DISC1: variants seen among roughly 807,000 people sequenced by gnomAD.
DISC1 encodes DISC1 scaffold protein, also known as disrupted in schizophrenia 1 protein.
Under a neutral mutation model 84.5 loss-of-function variants are expected in DISC1, and 57 were observed. The ratio of observed to expected loss-of-function variants is 0.67; its 90% CI spans 0.55 to 0.84. The LOEUF is 0.84. DISC1 is among the 40% of genes least tolerant of loss of function. The pLI, the probability that DISC1 is intolerant of heterozygous loss-of-function variation, is 0.00. For synonymous variants in DISC1, 411 were observed against 415.2 expected, an observed-to-expected ratio of 0.99 and a Z score of 0.12; for missense variants, 1,000 against 1,057.8, an observed-to-expected ratio of 0.95 and a Z score of 0.76.
intron 4 of DISC1, among the ~76,000 whole-genome samples, chr1:231,765,691 C>T (rs554649805): frequency 1.3e-5 from 2 of 152,278 alleles, no homozygotes; most frequent in South Asian, 4.1e-4. Context: ...CCTTTAAAGA[C>T]AGCTCACCAA....
rs56141308 is a variant in DISC1, at chr1:231,895,134, T to G, written c.1982-63694T>G. ...TTCTGCCTTCCTTTAGAACTGAGTA[T>G]TTTTTAGTATTCTATTTTATCTCTT... On this transcript the variant is annotated intron_variant, in intron 9 of 12. Coordinates refer to ENST00000439617, the MANE Select transcript of DISC1 (RefSeq NM_018662.3). Among the ~76,000 whole-genome samples the G allele has an allele frequency of 3.9e-3, 596 of 151,806 alleles. 3 individuals are homozygous for G. Among genetic ancestry groups the G allele is most frequent in the African/African-American group, 0.013 (554 of 41,478 alleles).
intron 9 of DISC1, among the ~76,000 whole-genome samples, chr1:231,843,716 T>C (rs2083246939): frequency 2.0e-5 from 3 of 152,114 alleles, no homozygotes; most frequent in Admixed American, 1.3e-4. Flanking sequence ...GAAGCTTAGC[T>C]TTCTGGCCTG....
At position 232,024,045 on chromosome 1, in the gene DISC1, GTA is replaced by G. The variant is rs1669210880; in HGVS notation, c.2308-2384_2308-2383del. On this transcript the variant is annotated intron_variant, in intron 11 of 12. Transcript: ENST00000439617. ...TATATATATACACACACATATATAT[GTA>G]TATATGTGTATGTGTGTATATATAT... Among the ~76,000 whole-genome samples, 3 of 135,002 alleles carry G rather than the reference GTA, an allele frequency of 2.2e-5. No individual in the cohort carries two copies. In the South Asian group the frequency reaches 7.6e-4, roughly 34 times the overall value. 88.6% of individuals were successfully genotyped at this position (135,002 alleles called of 152,430 possible). A position where few individuals can be genotyped will look rare whatever the true frequency, so the allele number is the denominator to read the frequency against.
intron 3 of DISC1, chr1:231,724,071 C>A: frequency 1.0e-6 from 1 of 964,702 alleles, no homozygotes; most frequent in Non-Finnish European, 1.2e-6. Flanking sequence ...GGTCTTCATC[C>A]TTTAAATGGA....
intron 3 of DISC1, among the ~76,000 whole-genome samples, chr1:231,707,952 G>A (rs2067295107): frequency 6.6e-6 from 1 of 152,188 alleles, no homozygotes; most frequent in Admixed American, 6.5e-5. Flanking sequence ...ACCAAATGTG[G>A]GGAAAGGATT....
At chr1:231,837,744 T>C (rs2125847544) in intron 9 of DISC1, among the ~76,000 whole-genome samples, 1 of 152,340 alleles carries the variant, frequency 6.6e-6, no homozygotes, top group East Asian at 1.9e-4. Context: ...AATGTTTTCT[T>C]ATGGAACTTG....
chr1:231,855,154 G>A (rs769586023), intron 9 of DISC1: 8 of 1,006,572 alleles, frequency 7.9e-6, no homozygotes, highest in South Asian at 4.0e-5. Context: ...TTGATGCAGC[G>A]TCCTTTGTGA....
chr1:231,706,408 G>C (rs375408615), intron 3 of DISC1, among the ~76,000 whole-genome samples: 2 of 152,164 alleles, frequency 1.3e-5, no homozygotes, highest in African/African-American at 4.8e-5. Flanking sequence ...TGTGGTTACT[G>C]TTCTAGTTGT....
chr1:231,766,977 A>G lies in DISC1; in HGVS notation c.1269-163A>G, dbSNP rs543370996. Among the ~76,000 whole-genome samples the G allele has an allele frequency of 2.6e-5, 4 of 152,366 alleles. No homozygotes were observed. The South Asian group carries it at 6.2e-4, about 24-fold the overall frequency. ...AATCACAAGAGATTGTAATTCAGGT[A>G]GAAACTTACATTAAGGAGCTCATCC... On this transcript the variant is annotated intron_variant, in intron 4 of 12. Coordinates refer to ENST00000439617, the MANE Select transcript of DISC1 (RefSeq NM_018662.3).
intron 10 of DISC1, among the ~76,000 whole-genome samples, chr1:232,005,548 G>A (rs1386308013): frequency 6.6e-6 from 1 of 152,114 alleles, no homozygotes; most frequent in African/African-American, 2.4e-5. Context: ...CCTATTTTGA[G>A]TTGTAGTGTT....
chr1:231,823,656 A>T (rs2081654527), intron 9 of DISC1, among the ~76,000 whole-genome samples: 1 of 152,126 alleles, frequency 6.6e-6, no homozygotes, highest in South Asian at 2.1e-4. Context: ...ACAACTTTTT[A>T]TTTTAGGTTC....
At chr1:231,820,580 C>T (rs1476625203) in intron 9 of DISC1, among the ~76,000 whole-genome samples, 1 of 152,170 alleles carries the variant, frequency 6.6e-6, no homozygotes, top group East Asian at 1.9e-4. Flanking sequence ...ATGATCAAGC[C>T]ACCCTGCTTG....
chr1:231,810,182 C>G (rs2080159138), intron 8 of DISC1, among the ~76,000 whole-genome samples: 1 of 152,196 alleles, frequency 6.6e-6, no homozygotes, highest in African/African-American at 2.4e-5. Flanking sequence ...TGCACTGATT[C>G]AGAACAGCAG....
At chr1:231,744,189 G>A (rs1460387121) in intron 3 of DISC1, among the ~76,000 whole-genome samples, 1 of 152,154 alleles carries the variant, frequency 6.6e-6, no homozygotes. Context: ...CGTAAAAAAG[G>A]ATAATGTTTG....
chr1:231,691,440 CAGAA>C (rs2065001949), intron 1 of DISC1, among the ~76,000 whole-genome samples: 1 of 149,464 alleles, frequency 6.7e-6, no homozygotes, highest in Non-Finnish European at 1.5e-5. Context: ...AAAAAAAAAA[CAGAA>C]AGAATAAAGA....
At chr1:231,985,755 T>A (rs567563641) in intron 10 of DISC1, among the ~76,000 whole-genome samples, 1 of 152,322 alleles carries the variant, frequency 6.6e-6, no homozygotes, top group Admixed American at 6.5e-5. Context: ...TTCACAAAAA[T>A]GAGCAAGACC....
At chr1:231,857,018 G>T (rs915004971) in intron 9 of DISC1, among the ~76,000 whole-genome samples, 7 of 152,294 alleles carry the variant, frequency 4.6e-5, no homozygotes, top group Admixed American at 3.3e-4. Flanking sequence ...TTACATGAGG[G>T]TTTAAGGAAT....
chr1:231,816,126 G>A (rs934070180), intron 8 of DISC1, among the ~76,000 whole-genome samples: 1 of 152,170 alleles, frequency 6.6e-6, no homozygotes, highest in Non-Finnish European at 1.5e-5. Context: ...ATTTTTAGTT[G>A]AGTTAATTTG....
At chr1:231,653,206 G>T (rs1166660876) in intron 1 of DISC1, among the ~76,000 whole-genome samples, 1 of 152,216 alleles carries the variant, frequency 6.6e-6, no homozygotes, top group Non-Finnish European at 1.5e-5. Context: ...GGTGATGCTA[G>T]TTCTAAAGCA....
Sources: allele counts gnomAD v4.1 joint callset (sites outside exome capture counted in the v4.1 genomes callset), GRCh38; gene constraint gnomAD v4.1.1; transcripts MANE v1.5; gene names NCBI Gene and HGNC (gene_info 2026-07-23, HGNC 2026-07-21).